Variants in P4HA2 observed in about 807,000 individuals in gnomAD.
The protein encoded by P4HA2 is prolyl 4-hydroxylase subunit alpha-2.
Under a neutral mutation model 76.9 loss-of-function variants are expected in P4HA2, and 46 were observed. The observed-to-expected ratio is 0.60, with a 90% CI of 0.47 to 0.76. The LOEUF is 0.76. Ranked by LOEUF, P4HA2 falls within the 30% of genes least tolerant of loss-of-function variation. The pLI is 0.00. For missense variants in P4HA2, 583 were observed against 669.4 expected, an observed-to-expected ratio of 0.87 and a Z score of 1.42; for synonymous variants, 243 against 254.0, an observed-to-expected ratio of 0.96 and a Z score of 0.41.
At chr5:132,196,412 A>C (rs1750651429) in intron 12 of P4HA2, among the ~76,000 whole-genome samples, 1 of 152,194 alleles carries the variant, frequency 6.6e-6, no homozygotes. Flanking sequence ...TTACAGGACT[A>C]CATACACTCT....
intron 14 of P4HA2, among the ~76,000 whole-genome samples, chr5:132,194,022 A>G (rs1257551456): frequency 1.3e-5 from 2 of 152,098 alleles, no homozygotes; most frequent in African/African-American, 4.8e-5. Flanking sequence ...TCTGATATTT[A>G]ACCTCATTTT....
intron 1 of P4HA2, among the ~76,000 whole-genome samples, chr5:132,226,115 G>A (rs1256274030): frequency 2.6e-5 from 4 of 152,208 alleles, no homozygotes; most frequent in African/African-American, 7.2e-5. Context: ...CACCTCAGGG[G>A]CAGTTTAAGT....
Position 132,207,742 on chromosome 5 carries a change from T to G in P4HA2, c.1046A>C (p.Glu349Ala), listed in dbSNP as rs201157235. The change falls in exon 8 of 15, where the codon GAA (glutamate) becomes GCA (alanine). Residue 349 changes from glutamate to alanine, a missense_variant. Transcript: ENST00000360568. ...TGCGATCTCCTTGATCCTCTCGATTTCCTCATCAGACATGACATCGTAGTA... is the reference window on the plus strand; with the variant it reads ...TGCGATCTCCTTGATCCTCTCGATTGCCTCATCAGACATGACATCGTAGTA... ...VRYYDVMSDE[E>A]IERIKEIAKP... is the part of the protein sequence containing the mutation. The G allele has an allele frequency of 1.3e-5, 21 of 1,613,998 alleles. No homozygotes were observed. Among genetic ancestry groups the G allele is most frequent in the Non-Finnish European group, 1.8e-5 (21 of 1,179,926 alleles).
At position 132,207,728 on chromosome 5, in the gene P4HA2, T is replaced by TGATCCTCTCGATTTCCTC; in HGVS notation, c.1042_1059dup (p.Glu348_Ile353dup). On this transcript the variant is annotated inframe_insertion, in exon 8 of 15. Coordinates refer to ENST00000360568, the MANE Select transcript of P4HA2 (RefSeq NM_001017974.2). ...CCTACTTTAGGTTTTGCGATCTCCTTGATCCTCTCGATTTCCTCATCAGAC... is the reference window on the plus strand; with the variant it reads ...CCTACTTTAGGTTTTGCGATCTCCTTGATCCTCTCGATTTCCTCGATCCTCTCGATTTCCTCATCAGAC... The TGATCCTCTCGATTTCCTC allele has an allele frequency of 6.2e-7, 1 of 1,613,976 alleles. No individual in the cohort carries two copies. The highest frequency in any genetic ancestry group is 8.5e-7 in the Non-Finnish European group (1 of 1,179,908).
chr5:132,217,762 T>C lies in P4HA2; in HGVS notation c.169A>G (p.Lys57Glu), dbSNP rs201130255. 1 of 1,601,590 alleles carries C rather than the reference T, an allele frequency of 6.2e-7. No homozygotes were observed. Among genetic ancestry groups the C allele is most frequent in the African/African-American group, 1.3e-5 (1 of 74,828 alleles). Residue 57 changes from lysine to glutamate, a missense_variant, in exon 3 of 15, where the codon AAG becomes GAG. Coordinates refer to ENST00000360568, the MANE Select transcript of P4HA2 (RefSeq NM_001017974.2). Reference protein sequence around the residue: ...YILVEEAKLSKIKSWANKMEA... With the variant: ...YILVEEAKLSEIKSWANKMEA... Reference sequence around the variant, plus strand: ...GGGGACTTAGGACACCTCTTAATCTTGGAAAGCTTGGCTTCCTCCACAAGG... The same window carrying C: ...GGGGACTTAGGACACCTCTTAATCTCGGAAAGCTTGGCTTCCTCCACAAGG...
chr5:132,213,585 G>C (rs1753405351), intron 5 of P4HA2, among the ~76,000 whole-genome samples: 1 of 152,182 alleles, frequency 6.6e-6, no homozygotes, highest in Non-Finnish European at 1.5e-5. Flanking sequence ...TAGATGAAAA[G>C]ACATTGGAGG....
At chr5:132,212,637 C>T (rs1371271735) in intron 5 of P4HA2, among the ~76,000 whole-genome samples, 2 of 152,138 alleles carry the variant, frequency 1.3e-5, no homozygotes, top group Admixed American at 6.5e-5. Flanking sequence ...GTTAGAAGCT[C>T]GGGAGACAAG....
chr5:132,225,711 A>G (rs1755297333), intron 1 of P4HA2, among the ~76,000 whole-genome samples: 1 of 152,220 alleles, frequency 6.6e-6, no homozygotes, highest in Non-Finnish European at 1.5e-5. Flanking sequence ...CACTCAAGGG[A>G]TGAACTGAGA....
At chr5:132,215,031 A>G (rs1360693558) in intron 4 of P4HA2, among the ~76,000 whole-genome samples, 2 of 152,196 alleles carry the variant, frequency 1.3e-5, no homozygotes, top group Non-Finnish European at 2.9e-5. Context: ...TTCCTTCCCC[A>G]ACCTCTTCCC....
chr5:132,213,893 C>T, intron 5 of P4HA2, 23 bp downstream of exon 5: 13 of 1,612,288 alleles, frequency 8.1e-6, no homozygotes, highest in Non-Finnish European at 9.3e-6. Context: ...GCGGGACAGG[C>T]AACGCCTGGA....
intron 7 of P4HA2, 43 bp from the exon 8 acceptor site, chr5:132,207,927 A>G: frequency 6.8e-7 from 1 of 1,468,636 alleles, no homozygotes; most frequent in Non-Finnish European, 9.1e-7. Context: ...AGTGAGTCCT[A>G]ATCCTCGGTC....
chr5:132,208,443 AATGG>A (rs1561479951), intron 7 of P4HA2, among the ~76,000 whole-genome samples: 1 of 3,654 alleles, frequency 2.7e-4, no homozygotes, highest in African/African-American at 1.3e-3. Context: ...GAGAGGGGGG[AATGG>A]GGGGAGGGGA....
At chr5:132,214,815 T>C (rs914794105) in intron 4 of P4HA2, among the ~76,000 whole-genome samples, 4 of 152,194 alleles carry the variant, frequency 2.6e-5, no homozygotes, top group Non-Finnish European at 2.9e-5. Context: ...TCTCCAGTTA[T>C]GGTGCTCAAG....
At position 132,212,088 on chromosome 5, in the gene P4HA2, G is replaced by C. The variant is rs549631838; in HGVS notation, c.470-1565C>G. Among the ~76,000 whole-genome samples the C allele has an allele frequency of 6.6e-5, 10 of 152,308 alleles. No individual in the cohort carries two copies. In the South Asian group the frequency reaches 2.1e-3, roughly 32 times the overall value. On this transcript the variant is annotated intron_variant, in intron 5 of 14. Coordinates refer to ENST00000360568, the MANE Select transcript of P4HA2 (RefSeq NM_001017974.2). ...GAGTGCTGATAGGCAATCAGACATGGAGTAGCCTAGCTGACATGGGTAAAG... is the reference window on the plus strand; with the variant it reads ...GAGTGCTGATAGGCAATCAGACATGCAGTAGCCTAGCTGACATGGGTAAAG...
intron 10 of P4HA2, chr5:132,202,125 A>C (rs1374399323): frequency 1.3e-5 from 2 of 152,232 alleles, no homozygotes; most frequent in African/African-American, 2.4e-5. Flanking sequence ...CATACGCAGC[A>C]AGTGGGAGAT....
intron 5 of P4HA2, among the ~76,000 whole-genome samples, chr5:132,212,530 T>G (rs557830093): frequency 6.6e-6 from 1 of 152,100 alleles, no homozygotes; most frequent in African/African-American, 2.4e-5. Context: ...GGTAAAGTGT[T>G]TACAAGGAGA....
chr5:132,203,435 C>T, intron 10 of P4HA2: 1 of 358,536 alleles, frequency 2.8e-6, no homozygotes, highest in Non-Finnish European at 5.3e-6. Context: ...AGAGATGTCC[C>T]TGAGACCATT....
chr5:132,194,515 T>C (rs1272356140), intron 14 of P4HA2, among the ~76,000 whole-genome samples: 1 of 152,094 alleles, frequency 6.6e-6, no homozygotes, highest in Non-Finnish European at 1.5e-5. Flanking sequence ...TTTCTTCAAG[T>C]GACAAGGGAG....
chr5:132,220,980 C>A (rs1387503138), intron 1 of P4HA2, among the ~76,000 whole-genome samples: 2 of 152,222 alleles, frequency 1.3e-5, no homozygotes, highest in Admixed American at 6.5e-5. Context: ...CAGGGGTACT[C>A]TGGAGCCCTA....
Sources: gnomAD v4.1 joint callset for allele counts (sites outside exome capture counted in the v4.1 genomes callset) on GRCh38, gnomAD v4.1.1 for gene constraint, MANE v1.5 for transcripts, NCBI Gene and HGNC (gene_info 2026-07-23, HGNC 2026-07-21) for gene names.